AKAP6: variants seen among roughly 807,000 people sequenced by gnomAD.
The protein encoded by AKAP6 is A-kinase anchor protein 6.
In AKAP6, 58 loss-of-function variants were observed where a neutral mutation model predicts 188.5. That is an observed-to-expected ratio of 0.31 (90% CI 0.25 to 0.38). The LOEUF (loss-of-function observed/expected upper bound fraction) is 0.38. Ranked by LOEUF, AKAP6 falls within the 10% of genes least tolerant of loss-of-function variation. AKAP6 has a pLI of 1.00. For missense variants in AKAP6, 2,710 were observed against 2,740.0 expected (o/e 0.99, Z 0.24); for synonymous variants, 989 against 998.6 (o/e 0.99, Z 0.18).
At chr14:32,584,811 G>C (rs940964242) in intron 5 of AKAP6, among the ~76,000 whole-genome samples, 6 of 152,120 alleles carry the variant, frequency 3.9e-5, no homozygotes, top group African/African-American at 1.4e-4. Flanking sequence ...GTTGTTTCAT[G>C]TATCAATTAT....
chr14:32,433,520 C>T lies in AKAP6; in HGVS notation c.27C>T (p.Ser9=), dbSNP rs1368834517. MLTMSVTL[S]PLRSQDLDPM... ...TGTTAACCATGAGCGTGACACTTTC[C>T]CCCCTGAGGTCACAGGACCTGGATC... Residue 9 remains serine, a synonymous_variant, in exon 2 of 14, where the codon TCC becomes TCT. Coordinates refer to ENST00000280979, the MANE Select transcript of AKAP6 (RefSeq NM_004274.5). The T allele has an allele frequency of 1.9e-6, 3 of 1,613,900 alleles. No individual in the cohort carries two copies. The highest frequency in any genetic ancestry group is 2.5e-6 in the Non-Finnish European group (3 of 1,179,966).
intron 3 of AKAP6, among the ~76,000 whole-genome samples, chr14:32,540,550 C>A (rs1160885217): frequency 6.6e-6 from 1 of 152,004 alleles, no homozygotes; most frequent in African/African-American, 2.4e-5. Context: ...GGGTACATGG[C>A]TAGGCGGCTC....
At chr14:32,723,781 T>A (rs2030694579) in intron 9 of AKAP6, among the ~76,000 whole-genome samples, 1 of 152,202 alleles carries the variant, frequency 6.6e-6, no homozygotes, top group African/African-American at 2.4e-5. Context: ...AATAGTCACA[T>A]TTATGCATTG....
intron 7 of AKAP6, among the ~76,000 whole-genome samples, chr14:32,605,288 G>C (rs939051272): frequency 1.3e-5 from 2 of 152,086 alleles, no homozygotes; most frequent in Non-Finnish European, 2.9e-5. Context: ...TTACAGGGAG[G>C]CATTCTTGTT....
At chr14:32,346,037 A>C (rs1283274592) in intron 1 of AKAP6, among the ~76,000 whole-genome samples, 1 of 152,232 alleles carries the variant, frequency 6.6e-6, no homozygotes, top group Non-Finnish European at 1.5e-5. Flanking sequence ...AAAATTAAAC[A>C]GAAGTTCTAA....
chr14:32,744,303 T>A (rs2031798630), intron 11 of AKAP6, among the ~76,000 whole-genome samples: 1 of 151,870 alleles, frequency 6.6e-6, no homozygotes, highest in African/African-American at 2.4e-5. Flanking sequence ...TTCTTTTTTT[T>A]TAATTATTTT....
intron 2 of AKAP6, among the ~76,000 whole-genome samples, chr14:32,461,361 G>A (rs529219736): frequency 5.9e-5 from 9 of 152,306 alleles, no homozygotes; most frequent in East Asian, 1.9e-4. Flanking sequence ...CCTCTGGGAC[G>A]AAGCTTCCAG....
At chr14:32,476,781 A>T (rs1879086773) in intron 2 of AKAP6, among the ~76,000 whole-genome samples, 1 of 152,228 alleles carries the variant, frequency 6.6e-6, no homozygotes, top group South Asian at 2.1e-4. Context: ...TTATAGCAGG[A>T]TGCCAAGCAA....
At chr14:32,718,692 A>T (rs2030363523) in intron 9 of AKAP6, among the ~76,000 whole-genome samples, 1 of 152,186 alleles carries the variant, frequency 6.6e-6, no homozygotes, top group Admixed American at 6.6e-5. Flanking sequence ...TGAGAATAAT[A>T]TTCCTGTATT....
chr14:32,629,323 T>G (rs992869540), intron 7 of AKAP6, among the ~76,000 whole-genome samples: 2 of 151,726 alleles, frequency 1.3e-5, no homozygotes, highest in Non-Finnish European at 2.9e-5. Context: ...ATAGCCAGCA[T>G]TTTGTCATTT....
chr14:32,418,801 A>G (rs1889744430), intron 1 of AKAP6, among the ~76,000 whole-genome samples: 1 of 152,128 alleles, frequency 6.6e-6, no homozygotes, highest in South Asian at 2.1e-4. Context: ...AAAAGAGACA[A>G]ATTGATTGAA....
Position 32,836,836 on chromosome 14 carries a change from G to GAT in AKAP6, c.*7031_*7032insAT, listed in dbSNP as rs754532652. On this transcript the variant is annotated 3_prime_UTR_variant, in exon 14 of 14. Coordinates refer to ENST00000280979, the MANE Select transcript of AKAP6 (RefSeq NM_004274.5). The stretch of plus-strand genomic sequence containing the variant: ...CATCGTGCATTTATGTGCTGCCCCA[G>GAT]GTAATCCACAGGCACAAAGAACTTG... 2.0e-5 allele frequency: 3 copies of GAT among 152,098 alleles called. No homozygotes were observed. Among genetic ancestry groups the GAT allele is most frequent in the Non-Finnish European group, 4.4e-5 (3 of 68,028 alleles). 9.4% of individuals were successfully genotyped at this position (152,098 alleles called of 1,614,324 possible).
intron 1 of AKAP6, among the ~76,000 whole-genome samples, chr14:32,427,131 C>G (rs187134758): frequency 1.3e-5 from 2 of 152,114 alleles, no homozygotes; most frequent in East Asian, 3.8e-4. Flanking sequence ...CCCCTATTGA[C>G]GTGCTGTTTC....
At chr14:32,334,663 G>C (rs886468437) in intron 1 of AKAP6, among the ~76,000 whole-genome samples, 1 of 152,146 alleles carries the variant, frequency 6.6e-6, no homozygotes, top group Non-Finnish European at 1.5e-5. Context: ...CATCCACTGG[G>C]GGTCTTGGAA....
At chr14:32,497,247 G>T (rs2224429) in intron 2 of AKAP6, among the ~76,000 whole-genome samples, 118,572 of 152,014 alleles carry the variant, frequency 0.78, 46,352 homozygotes, top group East Asian at 0.93. Flanking sequence ...CTTTCCTCAT[G>T]TTTATATAGG....
At chr14:32,599,310 G>A (rs1885827911) in intron 5 of AKAP6, 100 bp from the exon 6 acceptor site, 3 of 898,440 alleles carry the variant, frequency 3.3e-6, no homozygotes, top group Non-Finnish European at 5.2e-6. Flanking sequence ...TGGGTAAATT[G>A]GGCTGTGTGG....
intron 4 of AKAP6, among the ~76,000 whole-genome samples, chr14:32,562,253 C>T (rs1883988085): frequency 6.6e-6 from 1 of 152,020 alleles, no homozygotes; most frequent in Admixed American, 6.6e-5. Context: ...AGATGATACT[C>T]ATATTTTTGG....
intron 2 of AKAP6, among the ~76,000 whole-genome samples, chr14:32,445,024 G>A (rs1890713204): frequency 6.6e-6 from 1 of 152,162 alleles, no homozygotes; most frequent in Admixed American, 6.5e-5. Context: ...ATAAAATGCT[G>A]TTTCATAATA....
intron 7 of AKAP6, among the ~76,000 whole-genome samples, chr14:32,661,814 C>T (rs2139578128): frequency 6.6e-6 from 1 of 152,240 alleles, no homozygotes; most frequent in Non-Finnish European, 1.5e-5. Context: ...CCTCTGGCTT[C>T]TGCATCTGCT....
Sources: gnomAD v4.1 joint callset for allele counts (sites outside exome capture counted in the v4.1 genomes callset) on GRCh38, gnomAD v4.1.1 for gene constraint, MANE v1.5 for transcripts, NCBI Gene and HGNC (gene_info 2026-07-23, HGNC 2026-07-21) for gene names.